The following SMAD4 variants were observed in gnomAD, a reference collection of about 807,000 sequenced individuals.
The protein encoded by SMAD4 is SMAD family member 4, also known as MAD homolog 4.
SMAD4 carries 7 observed loss-of-function variants against 63.2 expected under a neutral mutation model. The observed-to-expected ratio is 0.11, with a 90% CI of 0.06 to 0.21. The LOEUF is 0.21. SMAD4 is among the 10% of genes least tolerant of loss of function. SMAD4 has a pLI of 1.00. For synonymous variants in SMAD4, 215 were observed against 235.4 expected (o/e 0.91, Z 0.79); for missense variants, 312 against 693.8 (o/e 0.45, Z 6.18).
chr18:51,044,206 A>C (rs1181047146), intron 1 of SMAD4, among the ~76,000 whole-genome samples: 3 of 151,328 alleles, frequency 2.0e-5, no homozygotes, highest in South Asian at 4.2e-4. Flanking sequence ...GTGCAGTGGC[A>C]CAATCATAAC....
rs989543619 is a variant in SMAD4 at position 51,071,547 on chromosome 18, A to G, written c.1308+4360A>G. Among the ~76,000 whole-genome samples, 40 of 152,232 alleles carry G rather than the reference A, an allele frequency of 2.6e-4. 1 individual carries two copies. Among genetic ancestry groups the G allele is most frequent in the Admixed American group, 2.0e-3 (30 of 15,276 alleles). ...AAGTGGCCTTGTTCTTTTGCTTTCA[A>G]AAGTAAAATATGTTTTGTTTTGTGT... On this transcript the variant is annotated intron_variant, in intron 10 of 11. Coordinates refer to ENST00000342988, the MANE Select transcript of SMAD4 (RefSeq NM_005359.6).
chr18:51,034,261 T>C (rs1438002761), intron 1 of SMAD4, among the ~76,000 whole-genome samples: 1 of 151,664 alleles, frequency 6.6e-6, no homozygotes, highest in Non-Finnish European at 1.5e-5. Context: ...TTTTTTTTTT[T>C]CTGAGACGGA....
chr18:51,046,763 G>A (rs1360346320), intron 1 of SMAD4, among the ~76,000 whole-genome samples, 157 bp from the exon 2 acceptor site: 1 of 152,054 alleles, frequency 6.6e-6, no homozygotes, highest in African/African-American at 2.4e-5. Context: ...CTAATATTTT[G>A]TAAGAATTTT....
chr18:51,036,510 T>C (rs1409794941), intron 1 of SMAD4, among the ~76,000 whole-genome samples: 2 of 152,140 alleles, frequency 1.3e-5, no homozygotes, highest in Non-Finnish European at 2.9e-5. Context: ...ACACATTAGG[T>C]GTGTCTTACA....
At chr18:51,055,507 T>C (rs187090428) in intron 5 of SMAD4, among the ~76,000 whole-genome samples, 1 of 150,644 alleles carries the variant, frequency 6.6e-6, no homozygotes, top group Admixed American at 6.7e-5. Context: ...CTTCTATATC[T>C]CTTTTTAAAA....
intron 1 of SMAD4, among the ~76,000 whole-genome samples, chr18:51,037,964 A>G (rs1909254263): frequency 6.6e-6 from 1 of 152,018 alleles, no homozygotes; most frequent in South Asian, 2.1e-4. Context: ...TTCTGATGAG[A>G]TGGGTGGTGA....
chr18:51,065,844 G>A (rs534791952), intron 9 of SMAD4, among the ~76,000 whole-genome samples: 2 of 152,090 alleles, frequency 1.3e-5, no homozygotes, highest in South Asian at 2.1e-4. Context: ...TCTATGTTTC[G>A]AATAGTAAGT....
chr18:51,050,057 C>T lies in SMAD4; in HGVS notation c.454+733C>T, dbSNP rs759721139. On this transcript the variant is annotated intron_variant, in intron 4 of 11. Transcript: ENST00000342988. The stretch of plus-strand genomic sequence containing the variant: ...GAACTAATTAATTTGCAGAGAAACT[C>T]TTATAAAGAACCACTGTCAGCCAGG... Among the ~76,000 whole-genome samples, 59 of 152,042 alleles carry T rather than the reference C, an allele frequency of 3.9e-4. 2 individuals are homozygous for T. Among genetic ancestry groups the T allele is most frequent in the African/African-American group, 7.2e-5 (3 of 41,394 alleles).
intron 3 of SMAD4, 140 bp from the exon 4 acceptor site, chr18:51,049,155 C>T (rs1421815916): frequency 1.5e-5 from 10 of 689,008 alleles, no homozygotes; most frequent in South Asian, 1.2e-4. Flanking sequence ...TGTTAGATAG[C>T]GTTTATGCTA....
chr18:51,048,911 A>G (rs1313744080), intron 3 of SMAD4, 51 bp downstream of exon 3: 3 of 1,482,862 alleles, frequency 2.0e-6, no homozygotes, highest in African/African-American at 1.4e-5. Context: ...AAAGGATCTC[A>G]ATAGTGTTTC....
chr18:51,046,935 T>C lies in SMAD4; in HGVS notation c.-112T>C, dbSNP rs1022024764. 5.5e-6 allele frequency: 5 copies of C among 907,126 alleles called. No individual in the cohort carries two copies. The African/African-American group carries it at 8.3e-5, about 15-fold the overall frequency. The allele number at this position is 907,126 out of a possible 1,614,324, so 56.2% of individuals were successfully genotyped here. A position where few individuals can be genotyped will look rare whatever the true frequency, so the allele number is the denominator to read the frequency against. ...TCTTTTTTAGGTTATCCTGAATACA[T>C]GTCTAACAATTTTCCTTGCAACGTT... On this transcript the variant is annotated 5_prime_UTR_variant, in exon 2 of 12. It removes an upstream start codon present in the reference 5' UTR. Coordinates refer to ENST00000342988, the MANE Select transcript of SMAD4 (RefSeq NM_005359.6).
chr18:51,054,511 T>C (rs905454548), intron 4 of SMAD4: 4 of 431,496 alleles, frequency 9.3e-6, no homozygotes, highest in Non-Finnish European at 1.7e-5. Context: ...CTTTTTAGGA[T>C]TGTTGCTGGA....
chr18:51,068,465 T>G (rs1457492405), intron 10 of SMAD4, among the ~76,000 whole-genome samples: 2 of 152,180 alleles, frequency 1.3e-5, no homozygotes, highest in Non-Finnish European at 2.9e-5. Flanking sequence ...AAAAACATAA[T>G]CGCGGTGCTA....
Position 51,054,837 on chromosome 18 carries a change from T to C in SMAD4, c.511T>C (p.Ser171Pro). 1 of 1,614,080 alleles carries C rather than the reference T, an allele frequency of 6.2e-7. No homozygotes were observed. Among genetic ancestry groups the C allele is most frequent in the Non-Finnish European group, 8.5e-7 (1 of 1,179,916 alleles). The change falls in exon 5 of 12, where the codon TCG (serine) becomes CCG (proline). Residue 171 changes from serine to proline, a missense_variant. Ser to Pro is a moderately conservative substitution (Grantham distance 74). Transcript: ENST00000342988. Reference protein sequence around the residue: ...EYVHDFEGQPSLSTEGHSIQT... With the variant: ...EYVHDFEGQPPLSTEGHSIQT... ...TGTGCATGACTTTGAGGGACAGCCA[T>C]CGTTGTCCACTGAAGGACATTCAAT...
At chr18:51,045,117 T>G (rs3764466) in intron 1 of SMAD4, 53,671 of 151,888 alleles carry the variant, frequency 0.35, 9,708 homozygotes, top group East Asian at 0.41. Context: ...GGAGGAGAGA[T>G]AGAAAAGACT....
chr18:51,053,466 TACATAA>T (rs1356897984), intron 4 of SMAD4: 1 of 152,192 alleles, frequency 6.6e-6, no homozygotes, highest in Non-Finnish European at 1.5e-5. Flanking sequence ...TTTTTATTGA[TACATAA>T]TTTGTTACGC....
intron 1 of SMAD4, among the ~76,000 whole-genome samples, chr18:51,043,527 A>G (rs1213872407): frequency 6.6e-6 from 1 of 152,210 alleles, no homozygotes; most frequent in East Asian, 1.9e-4. Context: ...TTAATGTAGG[A>G]ATACATCTCT....
In SMAD4 at chr18:51,082,038, G is replaced by A. The variant is rs1910623859; in HGVS notation, c.*3571G>A. 1 of 231,238 alleles carries A rather than the reference G, an allele frequency of 4.3e-6. No homozygotes were observed. The highest frequency in any genetic ancestry group is 5.6e-5 in the Admixed American group (1 of 17,730). 14.3% of individuals were successfully genotyped at this position (231,238 alleles called of 1,614,324 possible). A position where few individuals can be genotyped will look rare whatever the true frequency, so the allele number is the denominator to read the frequency against. On this transcript the variant is annotated 3_prime_UTR_variant, in exon 12 of 12. Transcript: ENST00000342988. ...TGAGTGGAACAGAGTTCTTTTTGTT[G>A]ATAATTTCTAGTTTGCTCCCTTCGT...
At chr18:51,059,436 T>C (rs1909944887) in intron 7 of SMAD4, among the ~76,000 whole-genome samples, 1 of 152,252 alleles carries the variant, frequency 6.6e-6, no homozygotes, top group Non-Finnish European at 1.5e-5. Context: ...TTTAACACAT[T>C]ACCAGTTTTC....
Sources: gnomAD v4.1 joint callset for allele counts (sites outside exome capture counted in the v4.1 genomes callset) on GRCh38, gnomAD v4.1.1 for gene constraint, MANE v1.5 for transcripts, NCBI Gene and HGNC (gene_info 2026-07-23, HGNC 2026-07-21) for gene names.